The following CUL5 variants were observed in gnomAD, a reference collection of about 807,000 sequenced individuals.
CUL5 encodes the protein cullin-5.
CUL5 carries 26 observed loss-of-function variants against 108.8 expected under a neutral mutation model. The observed-to-expected ratio is 0.24, with a 90% CI of 0.18 to 0.33. CUL5 has a LOEUF of 0.33. Ranked by LOEUF, CUL5 falls within the 10% of genes least tolerant of loss-of-function variation. The probability of loss-of-function intolerance (pLI) is 1.00; values close to 1 mark genes in which losing one functional copy is unlikely to be tolerated. For synonymous variants in CUL5, 334 were observed against 298.0 expected, an observed-to-expected ratio of 1.12 and a Z score of -1.25; for missense variants, 524 against 909.2, an observed-to-expected ratio of 0.58 and a Z score of 5.45.
rs1339358646 is a variant in CUL5 at position 108,009,168 on chromosome 11, G to A, written c.-181G>A. On this transcript the variant is annotated 5_prime_UTR_variant, in exon 1 of 19. Transcript: ENST00000393094. ...CGGTGACCATGTAGGGGAGAAGAGT[G>A]AGGAAGCTCCTGGTGCTTGGGACGA... is the stretch of plus-strand genomic sequence containing the variant. 3.1e-6 allele frequency: 2 copies of A among 641,452 alleles called. No individual in the cohort carries two copies. The highest frequency in any genetic ancestry group is 5.6e-6 in the Non-Finnish European group (2 of 358,482). The allele number at this position is 641,452 out of a possible 1,614,324, so 39.7% of individuals were successfully genotyped here.
rs866809705 is a variant in CUL5, at chr11:108,093,039, C to T, written c.1444-1352C>T. ...CCATGTTAGCCAGGCTGGTCTTGAA[C>T]TCCTGACCTCAGGTGATCCACCCGC... On this transcript the variant is annotated intron_variant, in intron 13 of 18. Transcript: ENST00000393094. Among the ~76,000 whole-genome samples the T allele has an allele frequency of 2.6e-5, 4 of 152,286 alleles. No homozygotes were observed. In the South Asian group the frequency reaches 6.2e-4, roughly 24 times the overall value.
At chr11:108,044,784 C>CA (rs1489483252) in intron 2 of CUL5, among the ~76,000 whole-genome samples, 4 of 151,048 alleles carry the variant, frequency 2.6e-5, no homozygotes, top group African/African-American at 9.7e-5. Flanking sequence ...TTTTTTGAGA[C>CA]ACAGTTTCAC....
intron 1 of CUL5, among the ~76,000 whole-genome samples, chr11:108,030,421 T>C (rs145523262): frequency 2.2e-4 from 34 of 152,330 alleles, no homozygotes; most frequent in African/African-American, 7.7e-4. Flanking sequence ...GCAGATCACC[T>C]GAGGTCGGGA....
intron 2 of CUL5, among the ~76,000 whole-genome samples, chr11:108,041,149 C>G (rs1862896546): frequency 6.6e-6 from 1 of 152,198 alleles, no homozygotes; most frequent in African/African-American, 2.4e-5. Context: ...TCTTACTGCT[C>G]AAGCTTCCTT....
chr11:108,064,828 C>G (rs1400674694), intron 7 of CUL5, among the ~76,000 whole-genome samples: 1 of 152,020 alleles, frequency 6.6e-6, no homozygotes, highest in African/African-American at 2.4e-5. Flanking sequence ...GTGTCTTTGT[C>G]TGCTTTTGGT....
chr11:108,048,814 A>C (rs929515222), intron 3 of CUL5, among the ~76,000 whole-genome samples: 22 of 151,734 alleles, frequency 1.4e-4, no homozygotes, highest in Admixed American at 1.4e-3. Context: ...TTACAGGCGC[A>C]TGCCACCATG....
chr11:108,043,313 A>T (rs965882819), intron 2 of CUL5, among the ~76,000 whole-genome samples: 2 of 152,142 alleles, frequency 1.3e-5, no homozygotes, highest in South Asian at 4.1e-4. Context: ...GCCTCAAATG[A>T]TCCTCCTGCC....
At chr11:108,012,586 G>A (rs554942136) in intron 1 of CUL5, among the ~76,000 whole-genome samples, 22 of 144,580 alleles carry the variant, frequency 1.5e-4, no homozygotes, top group African/African-American at 4.4e-4. Flanking sequence ...TTCATATGTC[G>A]CGTCATATAA....
Position 108,009,278 on chromosome 11 carries a change from C to T in CUL5, c.-71C>T. 1 of 1,575,958 alleles carries T rather than the reference C, an allele frequency of 6.3e-7. No homozygotes were observed. Among genetic ancestry groups the T allele is most frequent in the Non-Finnish European group, 8.7e-7 (1 of 1,148,920 alleles). On this transcript the variant is annotated 5_prime_UTR_variant, in exon 1 of 19. Transcript: ENST00000393094. ...CCCTGGGCCCTGGTGGGAGCTCCGG[C>T]CTCCGGTCAAGGCCTGGCCGGGAGC...
intron 11 of CUL5, among the ~76,000 whole-genome samples, chr11:108,085,628 T>G (rs74461546): frequency 3.2e-3 from 480 of 152,342 alleles, no homozygotes; most frequent in African/African-American, 0.011. Context: ...AATGAACTAC[T>G]GGTACATGCT....
intron 12 of CUL5, among the ~76,000 whole-genome samples, chr11:108,088,930 T>C (rs1328366548): frequency 1.3e-5 from 2 of 152,180 alleles, no homozygotes; most frequent in East Asian, 1.9e-4. Context: ...ACAGGACATA[T>C]CATTCCAACA....
rs571960573 is a variant in CUL5, at chr11:108,040,648, G to A, written c.135-5622G>A. Among the ~76,000 whole-genome samples, 41 of 150,138 alleles carry A rather than the reference G, an allele frequency of 2.7e-4. 1 individual carries two copies. The highest frequency in any genetic ancestry group is 8.3e-4 in the African/African-American group (34 of 40,974). On this transcript the variant is annotated intron_variant, in intron 2 of 18. Transcript: ENST00000393094. Reference sequence around the variant, plus strand: ...AAAAAAAAAAAAATTAGCCAGTCGTGGTGGCACGTGCCTGTAGTCCCAACT... The same window carrying A: ...AAAAAAAAAAAAATTAGCCAGTCGTAGTGGCACGTGCCTGTAGTCCCAACT...
intron 9 of CUL5, among the ~76,000 whole-genome samples, chr11:108,072,972 G>A (rs1232444841): frequency 6.6e-6 from 1 of 152,124 alleles, no homozygotes; most frequent in East Asian, 1.9e-4. Flanking sequence ...GGAGGCCGAG[G>A]TGGGCAGATC....
intron 18 of CUL5, 44 bp downstream of exon 18, chr11:108,098,573 GTT>G (rs11302777): frequency 0.088 from 92,572 of 1,057,878 alleles, 469 homozygotes; most frequent in Middle Eastern, 0.098. Flanking sequence ...AAAAACTTTA[GTT>G]TTTTTTTTTT....
At chr11:108,077,613 G>A (rs1465881865) in intron 10 of CUL5, among the ~76,000 whole-genome samples, 4 of 14,674 alleles carry the variant, frequency 2.7e-4, no homozygotes, top group South Asian at 7.1e-3. Flanking sequence ...CCTGGGCAAC[G>A]AGTGAAACTC....
chr11:108,072,352 T>A lies in CUL5; in HGVS notation c.895T>A (p.Leu299Met). The A allele has an allele frequency of 1.2e-6, 2 of 1,606,750 alleles. No individual in the cohort carries two copies. The highest frequency in any genetic ancestry group is 1.1e-5 in the South Asian group (1 of 89,488). Residue 299 changes from leucine to methionine, a missense_variant, in exon 9 of 19, where the codon TTG becomes ATG. Leu to Met is a conservative substitution (Grantham distance 15). Transcript: ENST00000393094. ...TCCAGAATTACATTTAATGTTTTCA[T>A]TGATGGACAAAGTTCCTAATGGTAT... ...ETEKLHLMFS[L>M]MDKVPNGIEP...
chr11:108,098,219 G>A (rs1864547448), intron 17 of CUL5, among the ~76,000 whole-genome samples, 187 bp from the exon 18 acceptor site: 1 of 152,018 alleles, frequency 6.6e-6, no homozygotes, highest in South Asian at 2.1e-4. Context: ...TAACAGGTTA[G>A]TTATCATGTT....
intron 2 of CUL5, among the ~76,000 whole-genome samples, chr11:108,038,734 ATCG>A (rs1862811491): frequency 6.6e-6 from 1 of 151,826 alleles, no homozygotes; most frequent in African/African-American, 2.4e-5. Context: ...AGTTCAGTGT[ATCG>A]TCCTTTTAGG....
intron 2 of CUL5, among the ~76,000 whole-genome samples, chr11:108,042,667 C>T (rs1371130848): frequency 6.6e-6 from 1 of 152,174 alleles, no homozygotes; most frequent in African/African-American, 2.4e-5. Flanking sequence ...CTCTACCTCT[C>T]ACTCACCCTT....
Sources: allele counts gnomAD v4.1 joint callset (sites outside exome capture counted in the v4.1 genomes callset), GRCh38; gene constraint gnomAD v4.1.1; transcripts MANE v1.5; gene names NCBI Gene and HGNC (gene_info 2026-07-23, HGNC 2026-07-21).